The following IQSEC1 variants were observed in gnomAD, a reference collection of about 807,000 sequenced individuals.
IQSEC1 encodes IQ motif and SEC7 domain-containing protein 1.
Under a neutral mutation model 91.0 loss-of-function variants are expected in IQSEC1, and 31 were observed. The ratio of observed to expected loss-of-function variants is 0.34; its 90% CI spans 0.26 to 0.46. The LOEUF is 0.46. Among genes scored for constraint, IQSEC1 ranks in the 20% least tolerant of loss-of-function variants. IQSEC1 has a pLI of 1.00. For synonymous variants in IQSEC1, 699 were observed against 662.6 expected, an observed-to-expected ratio of 1.05 and a Z score of -0.84; for missense variants, 1,388 against 1,575.6, an observed-to-expected ratio of 0.88 and a Z score of 2.02.
intron 1 of IQSEC1, among the ~76,000 whole-genome samples, chr3:13,011,971 C>T (rs1215034237): frequency 6.6e-6 from 1 of 152,184 alleles, no homozygotes; most frequent in African/African-American, 2.4e-5. Flanking sequence ...GTGGTTTGTT[C>T]CAGCACCTGA....
rs549642653 is a variant in IQSEC1, at chr3:13,240,710, C to T, written c.272+42001G>A. ...TAACTCCCTGTCAGGACACCAGTAC[C>T]CAGTGCTCAAGAAATGCTCACAGCT... On this transcript the variant is annotated intron_variant, in intron 1 of 15. Transcript: ENST00000648114. Among the ~76,000 whole-genome samples, 3 of 152,298 alleles carry T rather than the reference C, an allele frequency of 2.0e-5. No homozygotes were observed. The South Asian group carries it at 6.2e-4, about 32-fold the overall frequency.
In IQSEC1 at chr3:12,899,521, CAGA is replaced by C; in HGVS notation, c.*1459_*1461del. ...GGGAGCGCATGGTGTCACCACAACA[CAGA>C]AGCGACAAGAGCACAGCTGAGAGTC... On this transcript the variant is annotated 3_prime_UTR_variant, in exon 14 of 14. Coordinates refer to ENST00000613206, the MANE Select transcript of IQSEC1 (RefSeq NM_001134382.3). 2 of 1,541,110 alleles carry C rather than the reference CAGA, an allele frequency of 1.3e-6. No individual in the cohort carries two copies. Among genetic ancestry groups the C allele is most frequent in the Non-Finnish European group, 1.8e-6 (2 of 1,137,676 alleles).
At chr3:13,082,623 C>T (rs1173614099) in intron 2 of IQSEC1, among the ~76,000 whole-genome samples, 2 of 152,222 alleles carry the variant, frequency 1.3e-5, no homozygotes, top group Non-Finnish European at 2.9e-5. Flanking sequence ...GTTTGGCTGC[C>T]ATGCTGGGCC....
At chr3:13,060,453 A>G (rs924904709) in intron 1 of IQSEC1, among the ~76,000 whole-genome samples, 1 of 152,086 alleles carries the variant, frequency 6.6e-6, no homozygotes, top group East Asian at 1.9e-4. Context: ...CAGTTGTAGG[A>G]AGAGGGGTGA....
rs1479147704 is a variant in IQSEC1, at chr3:12,938,031, T to C, written c.319-1334A>G. On this transcript the variant is annotated intron_variant, in intron 2 of 13. Coordinates refer to ENST00000613206, the MANE Select transcript of IQSEC1 (RefSeq NM_001134382.3). ...AGGCACCCGTGACCAAGGACGGTCC[T>C]GAGGGCCACTCCCTGCACCTTGCTC... Among the ~76,000 whole-genome samples, 3 of 152,212 alleles carry C rather than the reference T, an allele frequency of 2.0e-5. No individual in the cohort carries two copies. In the South Asian group the frequency reaches 6.2e-4, roughly 31 times the overall value.
chr3:12,950,848 G>A (rs912381670), intron 1 of IQSEC1, among the ~76,000 whole-genome samples: 1 of 151,482 alleles, frequency 6.6e-6, no homozygotes, highest in South Asian at 2.1e-4. Context: ...GGGTTTCATA[G>A]TGTTCACCAG....
chr3:13,002,820 A>G (rs995436177), intron 1 of IQSEC1, among the ~76,000 whole-genome samples: 4 of 152,236 alleles, frequency 2.6e-5, no homozygotes, highest in Admixed American at 2.6e-4. Context: ...GCAAAAAGCC[A>G]GACAATAACA....
At chr3:13,244,288 A>G (rs956337812) in intron 1 of IQSEC1, among the ~76,000 whole-genome samples, 31 of 152,278 alleles carry the variant, frequency 2.0e-4, no homozygotes, top group African/African-American at 6.5e-4. Flanking sequence ...TGCCTCCCAG[A>G]TTCGAGCGAT....
chr3:13,278,992 G>A (rs539644149), intron 1 of IQSEC1, among the ~76,000 whole-genome samples: 82 of 152,270 alleles, frequency 5.4e-4, no homozygotes, highest in Non-Finnish European at 9.6e-4. Context: ...CACCTGCCTC[G>A]TAGGAGTGAT....
chr3:12,904,337 C>T (rs1437719877), intron 12 of IQSEC1, among the ~76,000 whole-genome samples: 1 of 152,206 alleles, frequency 6.6e-6, no homozygotes, highest in Non-Finnish European at 1.5e-5. Context: ...GTGACGTGGC[C>T]CTCAGAGACC....
At position 12,936,514 on chromosome 3, in the gene IQSEC1, C is replaced by G; in HGVS notation, c.502G>C (p.Glu168Gln). The G allele has an allele frequency of 6.2e-7, 1 of 1,613,476 alleles. No homozygotes were observed. The highest frequency in any genetic ancestry group is 8.5e-7 in the Non-Finnish European group (1 of 1,180,012). Residue 168 changes from glutamate to glutamine, a missense_variant, in exon 3 of 14, where the codon GAG (glutamate) becomes CAG (glutamine). By Grantham distance (29) the Glu-to-Gln change is conservative. Coordinates refer to ENST00000613206, the MANE Select transcript of IQSEC1 (RefSeq NM_001134382.3). Reference sequence around the variant, plus strand: ...GAGCTGTGCACTTTCTCAGGCCCCTCAAAGGAGAACTGCATCCTCATGTTG... The same window carrying G: ...GAGCTGTGCACTTTCTCAGGCCCCTGAAAGGAGAACTGCATCCTCATGTTG... Reference protein sequence around the residue: ...LSNMRMQFSFEGPEKVHSSYF... With the variant: ...LSNMRMQFSFQGPEKVHSSYF...
intron 2 of IQSEC1, among the ~76,000 whole-genome samples, chr3:12,938,223 C>T (rs1443796145): frequency 6.6e-6 from 1 of 152,234 alleles, no homozygotes; most frequent in Non-Finnish European, 1.5e-5. Context: ...ACATGCTGGG[C>T]ATCACATCAC....
At chr3:13,196,740 ATG>A (rs1273865525) in intron 1 of IQSEC1, among the ~76,000 whole-genome samples, 35 of 130,524 alleles carry the variant, frequency 2.7e-4, no homozygotes, top group East Asian at 2.1e-3. Flanking sequence ...GTGTATGTAC[ATG>A]TGTGTGCGTG....
chr3:13,042,497 C>T (rs1704314513), intron 1 of IQSEC1: 1 of 152,438 alleles, frequency 6.6e-6, no homozygotes, highest in African/African-American at 2.4e-5. Flanking sequence ...TCACATGGCC[C>T]AGCCCGCCCG....
chr3:13,160,269 T>C (rs928483937), intron 2 of IQSEC1, among the ~76,000 whole-genome samples: 1 of 152,118 alleles, frequency 6.6e-6, no homozygotes, highest in Non-Finnish European at 1.5e-5. Flanking sequence ...AGCAGGGACC[T>C]TGGGGCAGGG....
intron 1 of IQSEC1, chr3:12,960,203 C>A (rs1271881357): frequency 6.6e-6 from 1 of 152,098 alleles, no homozygotes; most frequent in Non-Finnish European, 1.5e-5. Flanking sequence ...GGGCGCTACT[C>A]CAGCCTCTCT....
intron 1 of IQSEC1, among the ~76,000 whole-genome samples, chr3:13,242,219 C>A (rs1387766209): frequency 1.3e-5 from 2 of 152,172 alleles, no homozygotes; most frequent in African/African-American, 4.8e-5. Context: ...TGGGCTCGAG[C>A]TGGTCTCCAG....
chr3:13,270,920 A>G (rs1695580579), intron 1 of IQSEC1, among the ~76,000 whole-genome samples: 1 of 152,214 alleles, frequency 6.6e-6, no homozygotes, highest in Non-Finnish European at 1.5e-5. Context: ...CAAAGACACA[A>G]ATAGGCTGAA....
chr3:12,915,949 C>T (rs561316347), intron 6 of IQSEC1, among the ~76,000 whole-genome samples: 266 of 152,330 alleles, frequency 1.7e-3, no homozygotes, highest in South Asian at 3.1e-3. Context: ...GTCTAGTAGG[C>T]GATGGGTGTC....
Sources: gnomAD v4.1 joint callset for allele counts (sites outside exome capture counted in the v4.1 genomes callset) on GRCh38, gnomAD v4.1.1 for gene constraint, MANE v1.5 for transcripts, NCBI Gene and HGNC (gene_info 2026-07-23, HGNC 2026-07-21) for gene names.